ASAP1: variants seen among roughly 807,000 people sequenced by gnomAD.
The protein encoded by ASAP1 is arf-GAP with SH3 domain, ANK repeat and PH domain-containing protein 1.
ASAP1 carries 43 observed loss-of-function variants against 145.2 expected under a neutral mutation model. That is an observed-to-expected ratio of 0.30 (90% CI 0.23 to 0.38). The LOEUF is 0.38. ASAP1 is among the 10% of genes least tolerant of loss of function. The pLI is 1.00. For missense variants in ASAP1, 1,018 were observed against 1,355.3 expected (o/e 0.75, Z 3.91); for synonymous variants, 546 against 515.5 (o/e 1.06, Z -0.80).
At chr8:130,414,004 T>C (rs982337262) in intron 1 of ASAP1, among the ~76,000 whole-genome samples, 3 of 152,146 alleles carry the variant, frequency 2.0e-5, no homozygotes, top group Admixed American at 2.0e-4. Context: ...GGTGAATCGA[T>C]GATTGCTGGT....
intron 3 of ASAP1, among the ~76,000 whole-genome samples, chr8:130,271,199 C>T (rs1277101179): frequency 6.6e-6 from 1 of 152,160 alleles, no homozygotes; most frequent in Non-Finnish European, 1.5e-5. Context: ...AAACTGAACT[C>T]GACCAGAAGA....
At chr8:130,262,762 G>A (rs1034519608) in intron 3 of ASAP1, among the ~76,000 whole-genome samples, 2 of 152,126 alleles carry the variant, frequency 1.3e-5, no homozygotes, top group Non-Finnish European at 2.9e-5. Flanking sequence ...ATTTTCAGAT[G>A]CATTATTAAA....
At chr8:130,293,163 C>G (rs1428053386) in intron 3 of ASAP1, among the ~76,000 whole-genome samples, 3 of 152,192 alleles carry the variant, frequency 2.0e-5, no homozygotes, top group Non-Finnish European at 4.4e-5. Flanking sequence ...TCACACTGCA[C>G]ATAAATATCT....
At chr8:130,279,389 A>C (rs1821120701) in intron 3 of ASAP1, among the ~76,000 whole-genome samples, 1 of 152,208 alleles carries the variant, frequency 6.6e-6, no homozygotes, top group Admixed American at 6.5e-5. Flanking sequence ...CAACGAGGGA[A>C]TGTGAGGACT....
intron 3 of ASAP1, among the ~76,000 whole-genome samples, chr8:130,248,304 G>A (rs1818978861): frequency 1.3e-5 from 2 of 152,142 alleles, no homozygotes; most frequent in Non-Finnish European, 2.9e-5. Context: ...CAGGCATCAA[G>A]TCTGTTCTAG....
At chr8:130,276,761 C>CTCTCTCTCTCTCTCTCTCTCTCT (rs1554867225) in intron 3 of ASAP1, among the ~76,000 whole-genome samples, 8 of 127,778 alleles carry the variant, frequency 6.3e-5, no homozygotes, top group South Asian at 2.4e-4. Context: ...CTCTCTCTCT[C>CTCTCTCTCTCTCTCTCTCTCTCT]CTCTAACAAA....
intron 14 of ASAP1, among the ~76,000 whole-genome samples, chr8:130,136,183 G>A (rs1205760067): frequency 6.6e-6 from 1 of 152,024 alleles, no homozygotes; most frequent in Non-Finnish European, 1.5e-5. Flanking sequence ...AGTGTGGGTC[G>A]GTAAGCACAC....
intron 24 of ASAP1, among the ~76,000 whole-genome samples, chr8:130,092,373 C>T (rs1165096511): frequency 6.6e-6 from 1 of 151,964 alleles, no homozygotes; most frequent in Non-Finnish European, 1.5e-5. Context: ...TGCCTGTAAT[C>T]CCCTGCACTG....
chr8:130,374,407 C>T (rs1460766221), intron 2 of ASAP1, among the ~76,000 whole-genome samples: 2 of 152,218 alleles, frequency 1.3e-5, no homozygotes. Flanking sequence ...CAGTGGCTCA[C>T]ACCTGTAATT....
chr8:130,179,662 C>T (rs537510187), intron 8 of ASAP1, among the ~76,000 whole-genome samples: 17 of 152,054 alleles, frequency 1.1e-4, no homozygotes, highest in Non-Finnish European at 2.1e-4. Context: ...TGGTCAAAAA[C>T]TGGAAAGATT....
At chr8:130,257,093 C>T (rs1322073417) in intron 3 of ASAP1, among the ~76,000 whole-genome samples, 1 of 151,994 alleles carries the variant, frequency 6.6e-6, no homozygotes, top group African/African-American at 2.4e-5. Context: ...AATGTCCACG[C>T]TGATAATACA....
Position 130,401,931 on chromosome 8 carries a change from C to T in ASAP1, c.13G>A (p.Ala5Thr). The change falls in exon 2 of 30, where the codon GCC becomes ACC. Residue 5 changes from alanine to threonine, a missense_variant. Physicochemically the swap from Ala to Thr is moderately conservative, Grantham distance 58 (BLOSUM62 0). Around this residue, in one of 9 missense-constraint regions of ASAP1, gnomAD observed 106 missense variants for 134.5 expected, o/e 0.79. Transcript: ENST00000518721. MRSS[A>T]SRLSSFSSRD... ...GACGAAAAACTGGAGAGCCTGGAGG[C>T]TGAAGATCTCATGTCTCAGCCGTCA... The T allele has an allele frequency of 1.9e-6, 3 of 1,613,530 alleles. No homozygotes were observed. The highest frequency in any genetic ancestry group is 2.5e-6 in the Non-Finnish European group (3 of 1,179,898).
chr8:130,438,381 T>A (rs1284790522), intron 1 of ASAP1, among the ~76,000 whole-genome samples: 2 of 152,196 alleles, frequency 1.3e-5, no homozygotes, highest in Non-Finnish European at 2.9e-5. Flanking sequence ...CACTCCCTCC[T>A]GACCTCTCCT....
At chr8:130,267,933 G>C (rs1317497289) in intron 3 of ASAP1, among the ~76,000 whole-genome samples, 1 of 152,222 alleles carries the variant, frequency 6.6e-6, no homozygotes, top group Admixed American at 6.5e-5. Context: ...TTTGTGGCTA[G>C]TGGTGTTACA....
chr8:130,277,269 C>T (rs1365128619), intron 3 of ASAP1, among the ~76,000 whole-genome samples: 1 of 152,120 alleles, frequency 6.6e-6, no homozygotes, highest in African/African-American at 2.4e-5. Context: ...GGCCATTCAC[C>T]TAAAAGATGG....
At chr8:130,312,714 G>C (rs1344349848) in intron 3 of ASAP1, among the ~76,000 whole-genome samples, 4 of 152,306 alleles carry the variant, frequency 2.6e-5, no homozygotes, top group African/African-American at 7.2e-5. Flanking sequence ...GTGGGGATCT[G>C]AACTGATCTT....
intron 2 of ASAP1, among the ~76,000 whole-genome samples, chr8:130,379,664 C>T (rs899949969): frequency 6.6e-6 from 1 of 152,174 alleles, no homozygotes; most frequent in African/African-American, 2.4e-5. Flanking sequence ...CATTTGGAGT[C>T]AGAAGTGGTG....
intron 3 of ASAP1, among the ~76,000 whole-genome samples, chr8:130,269,329 T>A (rs1357506210): frequency 6.6e-6 from 1 of 152,214 alleles, no homozygotes; most frequent in Non-Finnish European, 1.5e-5. Flanking sequence ...ATTTCTGTGA[T>A]ACAGTTTCCA....
intron 3 of ASAP1, among the ~76,000 whole-genome samples, chr8:130,314,535 T>C (rs943357171): frequency 9.2e-5 from 14 of 152,168 alleles, no homozygotes; most frequent in African/African-American, 3.4e-4. Context: ...AAATACTAAG[T>C]GCTGTATCAA....
Sources: allele counts gnomAD v4.1 joint callset (sites outside exome capture counted in the v4.1 genomes callset), GRCh38; gene constraint gnomAD v4.1.1; regional missense constraint gnomAD v4.1.1; transcripts MANE v1.5; gene names NCBI Gene and HGNC (gene_info 2026-07-23, HGNC 2026-07-21).